Variants in CLIC5 observed in about 807,000 individuals in gnomAD.
CLIC5 encodes chloride intracellular channel protein 5.
CLIC5 carries 20 observed loss-of-function variants against 24.7 expected under a neutral mutation model. That is an observed-to-expected ratio of 0.81 (90% CI 0.57 to 1.18). The LOEUF is 1.18. CLIC5 is among the 50% of genes most tolerant of loss of function. The pLI is 0.00. For synonymous variants in CLIC5, 159 were observed against 135.6 expected (o/e 1.17, Z -1.20); for missense variants, 341 against 326.1 (o/e 1.05, Z -0.35).
chr6:46,118,155 A>G, the CLIC5 span, among the ~76,000 whole-genome samples: 226 of 152,326 alleles, frequency 1.5e-3, no homozygotes, highest in Non-Finnish European at 1.3e-3. Context: ...TGCTGTCTGT[A>G]GCACCTATTT....
intron 6 of CLIC5, among the ~76,000 whole-genome samples, chr6:45,892,831 C>A (rs772118187): frequency 3.3e-5 from 5 of 152,186 alleles, no homozygotes; most frequent in Non-Finnish European, 7.3e-5. Flanking sequence ...GCTCTCAGTG[C>A]AGCTCTAGGT....
chr6:46,001,402 C>T (rs1766353287), intron 1 of CLIC5, among the ~76,000 whole-genome samples: 1 of 152,206 alleles, frequency 6.6e-6, no homozygotes, highest in Non-Finnish European at 1.5e-5. Context: ...TCATGTTGCA[C>T]ACTTGAACTG....
chr6:46,007,959 T>C (rs1766650132), intron 1 of CLIC5, among the ~76,000 whole-genome samples: 1 of 149,998 alleles, frequency 6.7e-6, no homozygotes, highest in African/African-American at 2.5e-5. Context: ...ATTTATGGGG[T>C]ACATGAGCAA....
chr6:45,993,396 T>G (rs764346149), intron 1 of CLIC5, among the ~76,000 whole-genome samples: 23 of 152,332 alleles, frequency 1.5e-4, no homozygotes, highest in Non-Finnish European at 2.4e-4. Context: ...AATCAAGCTC[T>G]GAAACTCTCA....
chr6:45,903,248 G>T lies in CLIC5; in HGVS notation c.596C>A (p.Ala199Asp). Reference sequence around the variant, plus strand: ...GATATCATAGTTGCGGTATTTCTTGGCCACAATCTAAAACAGAGATGGCAG... The same window carrying T: ...GATATCATAGTTGCGGTATTTCTTGTCCACAATCTAAAACAGAGATGGCAG... ...LPKLHVVKIV[A>D]KKYRNYDIPA... Residue 199 changes from alanine (A) to aspartate (D), a missense_variant, in exon 6 of 6, where the codon GCC becomes GAC. Transcript: ENST00000339561. 1 of 1,578,122 alleles carries T rather than the reference G, an allele frequency of 6.3e-7. No individual in the cohort carries two copies. The highest frequency in any genetic ancestry group is 8.6e-7 in the Non-Finnish European group (1 of 1,162,670).
chr6:45,960,230 G>T (rs543490789), intron 1 of CLIC5, among the ~76,000 whole-genome samples: 1 of 152,212 alleles, frequency 6.6e-6, no homozygotes, highest in African/African-American at 2.4e-5. Context: ...TCACTCGCGG[G>T]TACCCAAGTC....
the CLIC5 span, among the ~76,000 whole-genome samples, chr6:46,103,116 A>G: frequency 6.6e-6 from 1 of 152,236 alleles, no homozygotes; most frequent in Non-Finnish European, 1.5e-5. Flanking sequence ...AAGGAAAATA[A>G]TACAGACTTG....
chr6:45,924,868 G>A (rs959837370), intron 4 of CLIC5, among the ~76,000 whole-genome samples: 1 of 152,102 alleles, frequency 6.6e-6, no homozygotes, highest in Non-Finnish European at 1.5e-5. Context: ...CCAAGTTCTG[G>A]CTAAAGAGAT....
At chr6:45,914,556 C>G (rs544365793) in intron 4 of CLIC5, 147 bp from the exon 5 acceptor site, 1 of 1,262,764 alleles carries the variant, frequency 7.9e-7, no homozygotes, top group Non-Finnish European at 1.0e-6. Context: ...ACCTGGAAAC[C>G]ATTAACACAA....
chr6:45,883,743 C>T (rs1762281589), intron 6 of CLIC5: 2 of 152,194 alleles, frequency 1.3e-5, no homozygotes, highest in South Asian at 4.1e-4. Context: ...CACAAGGGGA[C>T]TAAACATGCC....
the CLIC5 span, among the ~76,000 whole-genome samples, chr6:46,088,286 C>T: frequency 1.3e-5 from 2 of 151,782 alleles, no homozygotes; most frequent in African/African-American, 4.8e-5. Context: ...GTACTTAAGG[C>T]TTTGGAAATA....
intron 2 of CLIC5, among the ~76,000 whole-genome samples, chr6:45,953,309 A>T (rs1264688468): frequency 2.0e-5 from 3 of 152,158 alleles, no homozygotes; most frequent in African/African-American, 4.8e-5. Context: ...TTGATGAAAC[A>T]CTAAATCACG....
At chr6:45,966,326 A>C (rs544139536) in intron 1 of CLIC5, among the ~76,000 whole-genome samples, 1 of 152,328 alleles carries the variant, frequency 6.6e-6, no homozygotes, top group Non-Finnish European at 1.5e-5. Context: ...TAAGCATTTT[A>C]AAAACTGGAA....
chr6:46,010,239 G>A (rs1468496374), intron 1 of CLIC5, among the ~76,000 whole-genome samples: 4 of 152,106 alleles, frequency 2.6e-5, no homozygotes, highest in African/African-American at 4.8e-5. Context: ...AAGCCCAAGG[G>A]CTTTACTTTT....
chr6:45,986,901 A>C (rs560641948), intron 1 of CLIC5, among the ~76,000 whole-genome samples: 163 of 152,356 alleles, frequency 1.1e-3, no homozygotes, highest in Non-Finnish European at 2.0e-3. Context: ...GTGCAGGGAC[A>C]GAAGACCCTG....
chr6:46,053,530 G>T (rs1175961154), intron 1 of CLIC5, among the ~76,000 whole-genome samples: 1 of 152,194 alleles, frequency 6.6e-6, no homozygotes, highest in African/African-American at 2.4e-5. Flanking sequence ...GCTGCTAGAT[G>T]ATCTCTGAAG....
chr6:45,974,497 G>GTGTGTATATATA (rs1192750031), intron 1 of CLIC5, among the ~76,000 whole-genome samples: 1 of 76,176 alleles, frequency 1.3e-5, no homozygotes, highest in South Asian at 6.7e-4. Context: ...GTGTGTGTGT[G>GTGTGTATATATA]TATATATATA....
the CLIC5 span, among the ~76,000 whole-genome samples, chr6:46,115,300 A>C: frequency 6.6e-6 from 1 of 152,196 alleles, no homozygotes. Flanking sequence ...CACTGAGGCC[A>C]CACCTTGTGG....
intron 1 of CLIC5, among the ~76,000 whole-genome samples, chr6:46,033,040 G>A (rs1171930670): frequency 1.5e-5 from 2 of 136,628 alleles, no homozygotes; most frequent in East Asian, 4.3e-4. Context: ...CCAGGCTGGA[G>A]TGCAGTGGCG....
Sources: gnomAD v4.1 joint callset for allele counts (sites outside exome capture counted in the v4.1 genomes callset) on GRCh38, gnomAD v4.1.1 for gene constraint, MANE v1.5 for transcripts, NCBI Gene and HGNC (gene_info 2026-07-23, HGNC 2026-07-21) for gene names.